Variants in RRS1 observed in about 807,000 individuals in gnomAD.
RRS1 encodes ribosome biogenesis regulatory protein homolog.
A neutral mutation model predicts 23.1 loss-of-function variants in RRS1; 10 were observed. That is an observed-to-expected ratio of 0.43 (90% CI 0.27 to 0.74). The LOEUF (loss-of-function observed/expected upper bound fraction) is 0.74, where lower values mean the gene tolerates loss of function less well. RRS1 is among the 30% of genes least tolerant of loss of function. The pLI, the probability that RRS1 is intolerant of heterozygous loss-of-function variation, is 0.19. For missense variants in RRS1, 485 were observed against 484.3 expected, an observed-to-expected ratio of 1.00 and a Z score of -0.01; for synonymous variants, 198 against 207.7, an observed-to-expected ratio of 0.95 and a Z score of 0.40.
rs1203179385 is a variant in RRS1 at position 66,429,456 on chromosome 8, C to T, written c.325C>T (p.Arg109Trp). ...GCGAGAGAAGCCTCTGCCCCGACCG[C>T]GGCCACTTACACGCTGGCAGCAGTT... Reference protein sequence around the residue: ...LPREKPLPRPRPLTRWQQFAR... With the variant: ...LPREKPLPRPWPLTRWQQFAR... The change falls in exon 1 of 1, where the codon CGG becomes TGG. Residue 109 changes from arginine (R) to tryptophan (W), a missense_variant. Coordinates refer to ENST00000320270, the MANE Select transcript of RRS1 (RefSeq NM_015169.4). This position sits in a 1 kb window ranked among gnomAD's most constrained non-coding sequence, Gnocchi z 5.1. The T allele has an allele frequency of 6.4e-7, 1 of 1,562,046 alleles. No individual in the cohort carries two copies. The highest frequency in any genetic ancestry group is 8.7e-7 in the Non-Finnish European group (1 of 1,153,432).
rs371967186 is a variant in RRS1, at chr8:66,429,121, G to A, written c.-11G>A. ...GCTGCAGCCCCAAAGCGAGTGAGCC[G>A]AGCCGGAGCCATGGAGGGCCAGAGC... On this transcript the variant is annotated 5_prime_UTR_variant, in exon 1 of 1. Transcript: ENST00000320270. This position sits in a 1 kb window ranked among gnomAD's most constrained non-coding sequence, Gnocchi z 5.1. 32 of 1,595,748 alleles carry A rather than the reference G, an allele frequency of 2.0e-5. No individual in the cohort carries two copies. The African/African-American group carries it at 4.0e-4, about 20-fold the overall frequency.
rs1190198691 is a variant in RRS1, at chr8:66,430,204, G to A, written c.1073G>A (p.Arg358His). The change falls in exon 1 of 1, where the codon CGC (arginine) becomes CAC (histidine). Residue 358 changes from arginine (R) to histidine (H), a missense_variant. By Grantham distance (29) the Arg-to-His change is conservative. Coordinates refer to ENST00000320270, the MANE Select transcript of RRS1 (RefSeq NM_015169.4). ...GGTGGCAAGAGAAAAGGAGGACAGC[G>A]CCCAGGAGGAAAGAGGAGGAAGTAA... Reference protein sequence around the residue: ...GLGGKRKGGQRPGGKRRK With the variant: ...GLGGKRKGGQHPGGKRRK 3.7e-6 allele frequency: 6 copies of A among 1,614,206 alleles called. No individual in the cohort carries two copies. Among genetic ancestry groups the A allele is most frequent in the Non-Finnish European group, 5.1e-6 (6 of 1,180,034 alleles).
chr8:66,429,052 A>T lies in RRS1; in HGVS notation c.-80A>T. ...GGCATCCCGGCATCTGCACGTGGTT[A>T]TGCTGCCGGAGTTTGGGCCGCCACT... is the stretch of plus-strand genomic sequence containing the variant. On this transcript the variant is annotated 5_prime_UTR_variant, in exon 1 of 1. An upstream start codon of the reference 5' UTR is lost. Transcript: ENST00000320270. The surrounding 1 kb of genome is among the most constrained non-coding windows in gnomAD (Gnocchi z 5.1). 1 of 1,524,178 alleles carries T rather than the reference A, an allele frequency of 6.6e-7. No individual in the cohort carries two copies. The highest frequency in any genetic ancestry group is 8.8e-7 in the Non-Finnish European group (1 of 1,132,394). The allele number at this position is 1,524,178 out of a possible 1,614,324, so 94.4% of individuals were successfully genotyped here.
chr8:66,430,391 C>G lies in RRS1; in HGVS notation c.*162C>G, dbSNP rs570202184. On this transcript the variant is annotated 3_prime_UTR_variant, in exon 1 of 1. Transcript: ENST00000320270. Reference sequence around the variant, plus strand: ...GTCAAGAAAGTATGTAAGTGTTGGACTGCACAAATTAATGTTTTTCCCACA... The same window carrying G: ...GTCAAGAAAGTATGTAAGTGTTGGAGTGCACAAATTAATGTTTTTCCCACA... The G allele has an allele frequency of 1.1e-5, 8 of 720,112 alleles. No individual in the cohort carries two copies. In the African/African-American group the frequency reaches 1.3e-4, roughly 11 times the overall value. 44.6% of individuals were successfully genotyped at this position (720,112 alleles called of 1,614,324 possible). A position where few individuals can be genotyped will look rare whatever the true frequency, so the allele number is the denominator to read the frequency against.
Position 66,429,592 on chromosome 8 carries a change from A to G in RRS1, c.461A>G (p.Lys154Arg), listed in dbSNP as rs1323110515. The change falls in exon 1 of 1, where the codon AAA (lysine) becomes AGA (arginine). Residue 154 changes from lysine to arginine, a missense_variant. By Grantham distance (26) the Lys-to-Arg change is conservative (BLOSUM62 2). Coordinates refer to ENST00000320270, the MANE Select transcript of RRS1 (RefSeq NM_015169.4). The surrounding 1 kb of genome is among the most constrained non-coding windows in gnomAD (Gnocchi z 5.1). ...TACCAGCGCGCCCGGGACGACACCA[A>G]AGAATGGCTGATTGAGGTGCCCGGC... ...WGYQRARDDT[K>R]EWLIEVPGNA... The G allele has an allele frequency of 1.2e-6, 2 of 1,613,062 alleles. No homozygotes were observed. The highest frequency in any genetic ancestry group is 1.3e-5 in the African/African-American group (1 of 74,928).
rs1805175730 is a variant in RRS1, at chr8:66,429,506, C to G, written c.375C>G (p.Pro125=). ...TCGCGCGCCTCAAGGGCATCCGTCC[C>G]AAGAAGAAGACCAACCTGGTGTGGG... is the stretch of plus-strand genomic sequence containing the variant. The part of the protein sequence containing the change: ...QQFARLKGIR[P]KKKTNLVWDE... Residue 125 remains proline, a synonymous_variant, in exon 1 of 1, where the codon CCC becomes CCG. Transcript: ENST00000320270. This position sits in a 1 kb window ranked among gnomAD's most constrained non-coding sequence, Gnocchi z 5.1. The G allele has an allele frequency of 6.2e-7, 1 of 1,606,872 alleles. No homozygotes were observed. The highest frequency in any genetic ancestry group is 8.5e-7 in the Non-Finnish European group (1 of 1,177,012).
rs770495459 is a variant in RRS1, at chr8:66,429,877, G to A, written c.746G>A (p.Gly249Asp). 6.2e-6 allele frequency: 10 copies of A among 1,613,938 alleles called. No homozygotes were observed. In the East Asian group the frequency reaches 2.0e-4, roughly 32 times the overall value. Reference sequence around the variant, plus strand: ...AAGGAGAAGGTGCCCCGGGGCTCCGGCAAGAAAAGGAAGTTTCAACCCCTT... The same window carrying A: ...AAGGAGAAGGTGCCCCGGGGCTCCGACAAGAAAAGGAAGTTTCAACCCCTT... ...LPKEKVPRGS[G>D]KKRKFQPLFG... Residue 249 changes from glycine (G) to aspartate (D), a missense_variant, in exon 1 of 1, where the codon GGC (glycine) becomes GAC (aspartate). Transcript: ENST00000320270. This position sits in a 1 kb window ranked among gnomAD's most constrained non-coding sequence, Gnocchi z 5.1.
In RRS1 at chr8:66,430,037, G is replaced by C; in HGVS notation, c.906G>C (p.Lys302Asn). The change falls in exon 1 of 1, where the codon AAG (lysine) becomes AAC (asparagine). Residue 302 changes from lysine (K) to asparagine (N), a missense_variant. Coordinates refer to ENST00000320270, the MANE Select transcript of RRS1 (RefSeq NM_015169.4). The part of the protein sequence containing the change: ...MREEDQEEAA[K>N]RRKMSQKGKR... ...AGGAGGACCAGGAGGAGGCCGCCAAGAGGAGGAAAATGAGCCAGAAGGGCA... is the reference window on the plus strand; with the variant it reads ...AGGAGGACCAGGAGGAGGCCGCCAACAGGAGGAAAATGAGCCAGAAGGGCA... 6.2e-7 allele frequency: 1 copy of C among 1,610,856 alleles called. No homozygotes were observed. Among genetic ancestry groups the C allele is most frequent in the Non-Finnish European group, 8.5e-7 (1 of 1,178,900 alleles).
Position 66,430,276 on chromosome 8 carries a change from C to G in RRS1, c.*47C>G. 6.2e-7 allele frequency: 1 copy of G among 1,601,692 alleles called. No individual in the cohort carries two copies. Among genetic ancestry groups the G allele is most frequent in the Non-Finnish European group, 8.5e-7 (1 of 1,172,908 alleles). On this transcript the variant is annotated 3_prime_UTR_variant, in exon 1 of 1. Transcript: ENST00000320270. ...GTCTGTAAACCAAGGACTATGAATA[C>G]TAAATGTTAAGTTCTAGGCAATTAT...
chr8:66,429,770 G>A lies in RRS1; in HGVS notation c.639G>A (p.Gln213=), dbSNP rs770717866. The change falls in exon 1 of 1, where the codon CAG becomes CAA. Residue 213 remains glutamine, a synonymous_variant. Transcript: ENST00000320270. The surrounding 1 kb of genome is among the most constrained non-coding windows in gnomAD (Gnocchi z 5.1). ...SAAGLHPTGH[Q]SKEELGRAMQ... The stretch of plus-strand genomic sequence containing the variant: ...CCGGCTTGCACCCTACCGGACACCA[G>A]AGTAAGGAGGAGCTGGGCCGCGCCA... 5 of 1,612,636 alleles carry A rather than the reference G, an allele frequency of 3.1e-6. No individual in the cohort carries two copies. The East Asian group carries it at 6.7e-5, about 22-fold the overall frequency.
Position 66,430,152 on chromosome 8 carries a change from A to G in RRS1, c.1021A>G (p.Lys341Glu). The G allele has an allele frequency of 6.2e-7, 1 of 1,614,140 alleles. No individual in the cohort carries two copies. The highest frequency in any genetic ancestry group is 8.5e-7 in the Non-Finnish European group (1 of 1,180,016). Residue 341 changes from lysine (K) to glutamate (E), a missense_variant, in exon 1 of 1, where the codon AAG (lysine) becomes GAG (glutamate). Lys to Glu is a moderately conservative substitution (Grantham distance 56). Coordinates refer to ENST00000320270, the MANE Select transcript of RRS1 (RefSeq NM_015169.4). ...GGKRKGGLGG[K>E]MNSGPPGLGG... ...GAAGAGGAAAGGGGGCTTGGGAGGC[A>G]AGATGAATTCTGGGCCGCCTGGCTT...
rs1287441544 is a variant in RRS1, at chr8:66,430,383, G to GT, written c.*155dup. ...GCCCTTCCGTCAAGAAAGTATGTAAGTGTTGGACTGCACAAATTAATGTTT... is the reference window on the plus strand; with the variant it reads ...GCCCTTCCGTCAAGAAAGTATGTAAGTTGTTGGACTGCACAAATTAATGTTT... On this transcript the variant is annotated 3_prime_UTR_variant, in exon 1 of 1. Transcript: ENST00000320270. 1.3e-6 allele frequency: 1 copy of GT among 756,864 alleles called. No individual in the cohort carries two copies. The highest frequency in any genetic ancestry group is 2.6e-5 in the Admixed American group (1 of 38,500). 46.9% of individuals were successfully genotyped at this position (756,864 alleles called of 1,614,324 possible).
chr8:66,430,100 G>C lies in RRS1; in HGVS notation c.969G>C (p.Arg323Ser). ...GCCGGCAGGGGCCTGGGGGCAAGAG[G>C]AAAGGGGGCCCGCCCAGCCAGGGAG... ...KGGRQGPGGK[R>S]KGGPPSQGGK... The change falls in exon 1 of 1, where the codon AGG (arginine) becomes AGC (serine). Residue 323 changes from arginine (R) to serine (S), a missense_variant. Physicochemically the swap from Arg to Ser is moderately radical, Grantham distance 110. Coordinates refer to ENST00000320270, the MANE Select transcript of RRS1 (RefSeq NM_015169.4). 6.2e-7 allele frequency: 1 copy of C among 1,613,486 alleles called. No individual in the cohort carries two copies. Among genetic ancestry groups the C allele is most frequent in the Non-Finnish European group, 8.5e-7 (1 of 1,179,852 alleles).
chr8:66,429,411 G>C lies in RRS1; in HGVS notation c.280G>C (p.Glu94Gln). The change falls in exon 1 of 1, where the codon GAG becomes CAG. Residue 94 changes from glutamate to glutamine, a missense_variant. Glu to Gln is a conservative substitution (Grantham distance 29). Coordinates refer to ENST00000320270, the MANE Select transcript of RRS1 (RefSeq NM_015169.4). This position sits in a 1 kb window ranked among gnomAD's most constrained non-coding sequence, Gnocchi z 5.1. ...AGAGGCGATAGTGGCGCGGCTGCCG[G>C]AGCCCACCACACGCCTGCCGCGAGA... ...VEEAIVARLP[E>Q]PTTRLPREKP... 6.4e-7 allele frequency: 1 copy of C among 1,550,968 alleles called. No homozygotes were observed. The highest frequency in any genetic ancestry group is 8.7e-7 in the Non-Finnish European group (1 of 1,147,290).
Position 66,429,099 on chromosome 8 carries a change from G to A in RRS1, c.-33G>A. The A allele has an allele frequency of 6.4e-7, 1 of 1,570,952 alleles. No individual in the cohort carries two copies. Among genetic ancestry groups the A allele is most frequent in the Non-Finnish European group, 8.7e-7 (1 of 1,155,574 alleles). The stretch of plus-strand genomic sequence containing the variant: ...CACTGTAGGAAAAGTAACTTCAGCT[G>A]CAGCCCCAAAGCGAGTGAGCCGAGC... On this transcript the variant is annotated 5_prime_UTR_variant, in exon 1 of 1. Coordinates refer to ENST00000320270, the MANE Select transcript of RRS1 (RefSeq NM_015169.4). This position sits in a 1 kb window ranked among gnomAD's most constrained non-coding sequence, Gnocchi z 5.1.
At position 66,429,418 on chromosome 8, in the gene RRS1, C is replaced by T; in HGVS notation, c.287C>T (p.Thr96Ile). The T allele has an allele frequency of 1.9e-6, 3 of 1,551,532 alleles. No individual in the cohort carries two copies. Among genetic ancestry groups the T allele is most frequent in the Non-Finnish European group, 2.6e-6 (3 of 1,147,608 alleles). Reference sequence around the variant, plus strand: ...ATAGTGGCGCGGCTGCCGGAGCCCACCACACGCCTGCCGCGAGAGAAGCCT... The same window carrying T: ...ATAGTGGCGCGGCTGCCGGAGCCCATCACACGCCTGCCGCGAGAGAAGCCT... ...EAIVARLPEPTTRLPREKPLP... is the reference protein window; with the variant it reads ...EAIVARLPEPITRLPREKPLP... The change falls in exon 1 of 1, where the codon ACC becomes ATC. Residue 96 changes from threonine (T) to isoleucine (I), a missense_variant. By Grantham distance (89) the Thr-to-Ile change is moderately conservative (BLOSUM62 -1). Coordinates refer to ENST00000320270, the MANE Select transcript of RRS1 (RefSeq NM_015169.4). This position sits in a 1 kb window ranked among gnomAD's most constrained non-coding sequence, Gnocchi z 5.1.
chr8:66,430,211 A>G lies in RRS1; in HGVS notation c.1080A>G (p.Gly360=). 1 of 1,614,188 alleles carries G rather than the reference A, an allele frequency of 6.2e-7. No homozygotes were observed. Among genetic ancestry groups the G allele is most frequent in the East Asian group, 2.2e-5 (1 of 44,884 alleles). Residue 360 remains glycine (G), a synonymous_variant, in exon 1 of 1, where the codon GGA becomes GGG. Coordinates refer to ENST00000320270, the MANE Select transcript of RRS1 (RefSeq NM_015169.4). ...GGKRKGGQRP[G]GKRRK ...AGAGAAAAGGAGGACAGCGCCCAGG[A>G]GGAAAGAGGAGGAAGTAATAGTTTC...
chr8:66,429,511 A>T lies in RRS1; in HGVS notation c.380A>T (p.Lys127Met). Residue 127 changes from lysine to methionine, a missense_variant, in exon 1 of 1, where the codon AAG becomes ATG. By Grantham distance (95) the Lys-to-Met change is moderately conservative. Transcript: ENST00000320270. The surrounding 1 kb of genome is among the most constrained non-coding windows in gnomAD (Gnocchi z 5.1). ...FARLKGIRPKKKTNLVWDEVS... is the reference protein window; with the variant it reads ...FARLKGIRPKMKTNLVWDEVS... ...CGCCTCAAGGGCATCCGTCCCAAGAAGAAGACCAACCTGGTGTGGGACGAG... is the reference window on the plus strand; with the variant it reads ...CGCCTCAAGGGCATCCGTCCCAAGATGAAGACCAACCTGGTGTGGGACGAG... The T allele has an allele frequency of 6.2e-7, 1 of 1,609,374 alleles. No homozygotes were observed. Among genetic ancestry groups the T allele is most frequent in the Non-Finnish European group, 8.5e-7 (1 of 1,178,116 alleles).
In RRS1 at chr8:66,429,337, C is replaced by T. The variant is rs1805170964; in HGVS notation, c.206C>T (p.Thr69Met). 3.9e-6 allele frequency: 6 copies of T among 1,552,452 alleles called. No homozygotes were observed. The highest frequency in any genetic ancestry group is 5.2e-6 in the Non-Finnish European group (6 of 1,147,804). Reference protein sequence around the residue: ...AELQALARDNTQLLINQLWQL... With the variant: ...AELQALARDNMQLLINQLWQL... ...CTACAGGCCCTGGCGCGGGACAACACGCAACTGCTCATCAACCAGCTGTGG... is the reference window on the plus strand; with the variant it reads ...CTACAGGCCCTGGCGCGGGACAACATGCAACTGCTCATCAACCAGCTGTGG... The change falls in exon 1 of 1, where the codon ACG becomes ATG. Residue 69 changes from threonine (T) to methionine (M), a missense_variant. Coordinates refer to ENST00000320270, the MANE Select transcript of RRS1 (RefSeq NM_015169.4). The surrounding 1 kb of genome is among the most constrained non-coding windows in gnomAD (Gnocchi z 5.1).
Sources: allele counts gnomAD v4.1 joint callset, GRCh38; gene constraint gnomAD v4.1.1; non-coding constraint Gnocchi (gnomAD v3.1); transcripts MANE v1.5; gene names NCBI Gene and HGNC (gene_info 2026-07-23, HGNC 2026-07-21).